Variants in IQANK1 observed in about 807,000 individuals in gnomAD.
The protein encoded by IQANK1 is IQ motif and ankyrin repeat domain-containing protein 1.
IQANK1 carries 30 observed loss-of-function variants against 22.6 expected under a neutral mutation model. That is an observed-to-expected ratio of 1.33 (90% confidence interval 0.99 to 1.80). IQANK1 has a LOEUF of 1.80. Ranked by LOEUF, IQANK1 falls within the 40% of genes most tolerant of loss-of-function variation. IQANK1 has a pLI of 0.00. For missense variants in IQANK1, 275 were observed against 235.2 expected, an observed-to-expected ratio of 1.17 and a Z score of -1.11; for synonymous variants, 122 against 99.6, an observed-to-expected ratio of 1.23 and a Z score of -1.34.
intron 2 of IQANK1, among the ~76,000 whole-genome samples, chr8:143,739,081 C>T (rs7843837): frequency 2.0e-5 from 3 of 152,116 alleles, no homozygotes; most frequent in Non-Finnish European, 2.9e-5. Flanking sequence ...GGAGGTGGGG[C>T]GGGGGCTCTT....
intron 3 of IQANK1, among the ~76,000 whole-genome samples, chr8:143,757,777 T>G (rs1055304445): frequency 6.6e-6 from 1 of 152,046 alleles, no homozygotes; most frequent in Non-Finnish European, 1.5e-5. Context: ...GCCTTTTGAG[T>G]AGCTAGGATT....
intron 7 of IQANK1, among the ~76,000 whole-genome samples, chr8:143,778,147 A>G (rs1427246938): frequency 6.6e-6 from 1 of 152,158 alleles, no homozygotes; most frequent in Middle Eastern, 3.4e-3. Context: ...GTGAGCCAAG[A>G]TCGCACCACT....
chr8:143,787,852 T>C (rs1819923299), intron 7 of IQANK1, among the ~76,000 whole-genome samples: 1 of 152,010 alleles, frequency 6.6e-6, no homozygotes, highest in African/African-American at 2.4e-5. Flanking sequence ...CAGTGCCTTC[T>C]GCTTGCTCCA....
At chr8:143,773,398 G>A (rs1554630021) in intron 7 of IQANK1, among the ~76,000 whole-genome samples, 1 of 152,084 alleles carries the variant, frequency 6.6e-6, no homozygotes, top group African/African-American at 2.4e-5. Context: ...GCCCAGGAGT[G>A]GGGTGGGGTG....
At chr8:143,786,969 C>T (rs536858206) in intron 7 of IQANK1, among the ~76,000 whole-genome samples, 68 of 152,228 alleles carry the variant, frequency 4.5e-4, no homozygotes, top group African/African-American at 1.5e-3. Flanking sequence ...CAGGAGAGGG[C>T]GGTAGCACGC....
At chr8:143,746,151 T>A (rs1819029069) in intron 3 of IQANK1, 1 of 152,252 alleles carries the variant, frequency 6.6e-6, no homozygotes, top group Non-Finnish European at 1.5e-5. Flanking sequence ...TGCCTTAGAT[T>A]TCTTTTCCTT....
intron 3 of IQANK1, among the ~76,000 whole-genome samples, chr8:143,762,760 G>A (rs545851257): frequency 6.6e-6 from 1 of 152,264 alleles, no homozygotes; most frequent in East Asian, 1.9e-4. Context: ...GCTGCAAGGG[G>A]AGTCACCTTC....
intron 3 of IQANK1, among the ~76,000 whole-genome samples, chr8:143,740,155 C>T (rs1554626283): frequency 1.3e-5 from 2 of 152,108 alleles, no homozygotes; most frequent in South Asian, 2.1e-4. Context: ...CCTCCCGCCG[C>T]GCCCCGCTCT....
intron 3 of IQANK1, chr8:143,760,631 C>T (rs980763018): frequency 1.3e-5 from 2 of 152,156 alleles, no homozygotes; most frequent in African/African-American, 4.8e-5. Flanking sequence ...GCAGTGAACC[C>T]TGAGCGTGTC....
At chr8:143,766,339 G>C (rs1554629228) in intron 3 of IQANK1, among the ~76,000 whole-genome samples, 1 of 152,064 alleles carries the variant, frequency 6.6e-6, no homozygotes, top group African/African-American at 2.4e-5. Context: ...CCACTCACTG[G>C]CATTTTTACT....
rs1819563102 is a variant in IQANK1, at chr8:143,771,178, A to G, written c.176-310A>G. 6.6e-6 allele frequency among the ~76,000 whole-genome samples: 1 copy of G among 152,188 alleles called. No homozygotes were observed. Among genetic ancestry groups the G allele is most frequent in the Non-Finnish European group, 1.5e-5 (1 of 68,010 alleles). On this transcript the variant is annotated intron_variant, in intron 3 of 13. Coordinates refer to ENST00000527139, the MANE Select transcript of IQANK1 (RefSeq NM_001381874.1). The surrounding 1 kb of genome is among the most constrained non-coding windows in gnomAD (Gnocchi z 6.0). ...CAGGGAAGGGTGTCCCGCGGGGGAC[A>G]GCACCCCTTCCTCACCGTTCCTCGG...
intron 7 of IQANK1, among the ~76,000 whole-genome samples, chr8:143,785,160 TC>T (rs781934428): frequency 3.9e-5 from 6 of 152,292 alleles, no homozygotes; most frequent in Admixed American, 1.3e-4. Context: ...AACTCTAATA[TC>T]CTGATCCCTT....
At chr8:143,766,151 T>C (rs1409226525) in intron 3 of IQANK1, among the ~76,000 whole-genome samples, 1 of 152,224 alleles carries the variant, frequency 6.6e-6, no homozygotes, top group Non-Finnish European at 1.5e-5. Context: ...TGGTGACTAA[T>C]GAGATTCATC....
chr8:143,784,244 T>C (rs1334623789), intron 7 of IQANK1, among the ~76,000 whole-genome samples: 4 of 151,306 alleles, frequency 2.6e-5, no homozygotes, highest in Non-Finnish European at 5.9e-5. Flanking sequence ...TGGGGGGAGG[T>C]GATTGGATCA....
chr8:143,744,101 G>C lies in IQANK1; in HGVS notation c.175+4153G>C. On this transcript the variant is annotated intron_variant, in intron 3 of 13. Transcript: ENST00000527139. ...CCCGTCTCAGCCTCCCAAAGTGCTG[G>C]GATTACAGGCGTGAGCCACCAGGCC... 7 of 229,154 alleles carry C rather than the reference G, an allele frequency of 3.1e-5. No homozygotes were observed. The South Asian group carries it at 3.3e-4, about 11-fold the overall frequency. 14.2% of individuals were successfully genotyped at this position (229,154 alleles called of 1,614,324 possible).
rs982436073 is a variant in IQANK1, at chr8:143,790,581, C to T, written c.1656C>T (p.Arg552=). ...AGCTGCAGGTGCTGCTCCCAGTGCG[C>T]GTGCAGCTGCCAGGCACAGGCCTCT... ...AEQLQVLLPV[R]VQLPGTGL Residue 552 remains arginine, a synonymous_variant, in exon 14 of 14, where the codon CGC becomes CGT. Coordinates refer to ENST00000527139, the MANE Select transcript of IQANK1 (RefSeq NM_001381874.1). 3.8e-5 allele frequency: 15 copies of T among 398,822 alleles called. No homozygotes were observed. The highest frequency in any genetic ancestry group is 1.4e-4 in the East Asian group (4 of 28,090). The allele number at this position is 398,822 out of a possible 1,614,324, so 24.7% of individuals were successfully genotyped here.
chr8:143,769,290 G>C (rs1396367836), intron 3 of IQANK1, among the ~76,000 whole-genome samples: 9 of 151,960 alleles, frequency 5.9e-5, no homozygotes, highest in African/African-American at 2.2e-4. Context: ...GAACTTCTGG[G>C]CTCAAGTGGT....
Position 143,790,066 on chromosome 8 carries a change from T to G in IQANK1, c.1289+2T>G, listed in dbSNP as rs1270472410. On this transcript the variant is annotated splice_donor_variant, in intron 12 of 13. Transcript: ENST00000527139. LOFTEE classifies it high-confidence loss of function. Reference sequence around the variant, plus strand: ...CAACCGCATCCGTGCCGATGGCCGGTCAGTTCTCCGGGCCAGACGTGGGCG... The same window carrying G: ...CAACCGCATCCGTGCCGATGGCCGGGCAGTTCTCCGGGCCAGACGTGGGCG... 1.1e-5 allele frequency: 14 copies of G among 1,231,998 alleles called. No individual in the cohort carries two copies. The highest frequency in any genetic ancestry group is 1.4e-5 in the Non-Finnish European group (14 of 988,016). 76.3% of individuals were successfully genotyped at this position (1,231,998 alleles called of 1,614,324 possible).
At chr8:143,761,317 G>A (rs1165213106) in intron 3 of IQANK1, among the ~76,000 whole-genome samples, 3 of 152,224 alleles carry the variant, frequency 2.0e-5, no homozygotes, top group African/African-American at 7.2e-5. Flanking sequence ...GCCCCTGCCT[G>A]CTGCTCCGGC....
Sources: gnomAD v4.1 joint callset for allele counts (sites outside exome capture counted in the v4.1 genomes callset) on GRCh38, gnomAD v4.1.1 for gene constraint, Gnocchi (gnomAD v3.1) non-coding constraint, MANE v1.5 for transcripts, NCBI Gene and HGNC (gene_info 2026-07-23, HGNC 2026-07-21) for gene names.